GPHN: variants seen among roughly 807,000 people sequenced by gnomAD.
GPHN encodes gephyrin.
A neutral mutation model predicts 95.5 loss-of-function variants in GPHN; 17 were observed. That is an observed-to-expected ratio of 0.18 (90% CI 0.12 to 0.27). The LOEUF (loss-of-function observed/expected upper bound fraction) is 0.27. GPHN is among the 10% of genes least tolerant of loss of function. The pLI, the probability that GPHN is intolerant of heterozygous loss-of-function variation, is 1.00. For synonymous variants in GPHN, 320 were observed against 322.5 expected, an observed-to-expected ratio of 0.99 and a Z score of 0.08; for missense variants, 660 against 978.1, an observed-to-expected ratio of 0.67 and a Z score of 4.34.
chr14:67,366,465 C>CGTA, the GPHN span, among the ~76,000 whole-genome samples: 2 of 152,150 alleles, frequency 1.3e-5, no homozygotes, highest in African/African-American at 4.8e-5. Flanking sequence ...TACTTGCTTA[C>CGTA]GTACAGTAGA....
At chr14:66,882,753 G>A (rs931797880) in intron 5 of GPHN, among the ~76,000 whole-genome samples, 1 of 150,932 alleles carries the variant, frequency 6.6e-6, no homozygotes, top group Non-Finnish European at 1.5e-5. Context: ...AAACCTTTTC[G>A]TAGCTTTTCT....
At chr14:67,498,716 A>T in the GPHN span, among the ~76,000 whole-genome samples, 65 of 152,326 alleles carry the variant, frequency 4.3e-4, no homozygotes, top group Non-Finnish European at 8.2e-4. Context: ...CCCAGGCTGG[A>T]GTCCAGTGGC....
chr14:67,225,976 TGCGCATGCGC>T, the GPHN span, among the ~76,000 whole-genome samples: 4 of 117,256 alleles, frequency 3.4e-5, no homozygotes, highest in African/African-American at 1.3e-4. Context: ...CGCGCGCGCG[TGCGCATGCGC>T]GTGCATGCTC....
At chr14:67,026,518 A>G (rs1307607303) in intron 10 of GPHN, among the ~76,000 whole-genome samples, 1 of 152,260 alleles carries the variant, frequency 6.6e-6, no homozygotes, top group Non-Finnish European at 1.5e-5. Flanking sequence ...TAATTTCTAC[A>G]TTAAATAGAT....
chr14:67,580,018 T>C, the GPHN span: 2 of 735,714 alleles, frequency 2.7e-6, no homozygotes, highest in Non-Finnish European at 4.3e-6. Flanking sequence ...TCAGCATTTC[T>C]GTGCCATCCT....
chr14:67,582,226 G>C, the GPHN span: 2 of 1,613,532 alleles, frequency 1.2e-6, no homozygotes. The surrounding 1 kb of genome is among the most constrained non-coding windows in gnomAD (Gnocchi z 5.0). Context: ...GTTCTGTTCA[G>C]GAAGCAGGAG....
the GPHN span, among the ~76,000 whole-genome samples, chr14:67,212,589 G>GA: frequency 0.018 from 1,835 of 99,540 alleles, 15 homozygotes; most frequent in Middle Eastern, 0.045. Flanking sequence ...AGACCCTGTT[G>GA]AAAAAAAAAA....
chr14:66,804,984 A>C (rs1031051796), intron 3 of GPHN, among the ~76,000 whole-genome samples: 2 of 152,170 alleles, frequency 1.3e-5, no homozygotes, highest in Non-Finnish European at 2.9e-5. Context: ...CACTGTTGTA[A>C]TTGCTTTAAA....
chr14:67,208,977 T>C, the GPHN span, among the ~76,000 whole-genome samples: 2 of 150,690 alleles, frequency 1.3e-5, no homozygotes, highest in Admixed American at 1.3e-4. Context: ...AGATTTATGA[T>C]GTACCATAAA....
chr14:66,985,647 A>T, intron 9 of GPHN: 1 of 1,423,594 alleles, frequency 7.0e-7, no homozygotes, highest in African/African-American at 1.4e-5. Context: ...CTTTTTCTTT[A>T]TTCTGTCTTT....
chr14:66,818,492 C>T (rs2061067671), intron 3 of GPHN, among the ~76,000 whole-genome samples: 3 of 152,292 alleles, frequency 2.0e-5, no homozygotes, highest in Non-Finnish European at 4.4e-5. Flanking sequence ...TTTCTTTATT[C>T]AGTCTGTCAT....
the GPHN span, chr14:67,382,699 A>T: frequency 1.2e-5 from 15 of 1,287,684 alleles, no homozygotes; most frequent in Non-Finnish European, 1.7e-5. Flanking sequence ...TAGGATGGTC[A>T]TTCAGGCCTT....
the GPHN span, among the ~76,000 whole-genome samples, chr14:67,717,040 A>G: frequency 0.13 from 20,120 of 152,246 alleles, 1,371 homozygotes; most frequent in East Asian, 0.21. Context: ...TTTTATTAAC[A>G]TACTTCAAAC....
chr14:66,890,856 C>A (rs1441266284), intron 5 of GPHN, among the ~76,000 whole-genome samples: 2 of 151,362 alleles, frequency 1.3e-5, no homozygotes, highest in African/African-American at 2.4e-5. Context: ...TCAATGGGTG[C>A]TGAAAAAAAA....
intron 2 of GPHN, among the ~76,000 whole-genome samples, chr14:66,689,708 C>T (rs917069900): frequency 6.6e-6 from 1 of 152,094 alleles, no homozygotes; most frequent in Non-Finnish European, 1.5e-5. Context: ...AATTTAGTCA[C>T]GTTAATTTTC....
At chr14:66,673,359 C>G (rs542593521) in intron 1 of GPHN, among the ~76,000 whole-genome samples, 1 of 151,680 alleles carries the variant, frequency 6.6e-6, no homozygotes, top group Non-Finnish European at 1.5e-5. Flanking sequence ...CCCAAAGTGC[C>G]GGAAATACAG....
intron 10 of GPHN, among the ~76,000 whole-genome samples, chr14:67,038,935 CTTG>C (rs2074565210): frequency 6.6e-6 from 1 of 152,144 alleles, no homozygotes; most frequent in Non-Finnish European, 1.5e-5. Flanking sequence ...TTTTCCCATT[CTTG>C]TTGTAATAGT....
At chr14:66,685,269 A>G (rs1461632552) in intron 2 of GPHN, among the ~76,000 whole-genome samples, 2 of 152,208 alleles carry the variant, frequency 1.3e-5, no homozygotes, top group African/African-American at 4.8e-5. Flanking sequence ...TATACCCAGT[A>G]ATGGGATGGC....
At chr14:66,524,676 T>C (rs1271552899) in intron 1 of GPHN, among the ~76,000 whole-genome samples, 1 of 151,930 alleles carries the variant, frequency 6.6e-6, no homozygotes, top group African/African-American at 2.4e-5. Context: ...GGCCCCAGTG[T>C]ATGATGTTCC....
Sources: allele counts gnomAD v4.1 joint callset (sites outside exome capture counted in the v4.1 genomes callset), GRCh38; gene constraint gnomAD v4.1.1; non-coding constraint Gnocchi (gnomAD v3.1); transcripts MANE v1.5; gene names NCBI Gene and HGNC (gene_info 2026-07-23, HGNC 2026-07-21).